HDAC9: variants seen among roughly 807,000 people sequenced by gnomAD.
HDAC9 encodes the protein MEF-2 interacting transcription repressor (MITR) protein.
In HDAC9, 41 loss-of-function variants were observed where a neutral mutation model predicts 139.4. The observed-to-expected ratio is 0.29, with a 90% confidence interval of 0.23 to 0.38. The LOEUF (loss-of-function observed/expected upper bound fraction) is 0.38, where lower values mean the gene tolerates loss of function less well. HDAC9 is among the 10% of genes least tolerant of loss of function. The pLI is 1.00. For synonymous variants in HDAC9, 517 were observed against 476.2 expected (o/e 1.09, Z -1.12); for missense variants, 1,147 against 1,297.0 (o/e 0.88, Z 1.78).
chr7:18,263,792 G>GT (rs1358510993), intron 2 of HDAC9, among the ~76,000 whole-genome samples: 2 of 151,688 alleles, frequency 1.3e-5, no homozygotes, highest in Non-Finnish European at 2.9e-5. Flanking sequence ...TAATTTTTCT[G>GT]TTTTTAAGTA....
At chr7:18,421,695 C>A (rs188170424) in intron 1 of HDAC9, among the ~76,000 whole-genome samples, 1 of 152,254 alleles carries the variant, frequency 6.6e-6, no homozygotes, top group Admixed American at 6.5e-5. Context: ...CTCAGTGTCA[C>A]GGATGAGTGA....
At chr7:18,366,842 G>A (rs189641894) in intron 1 of HDAC9, among the ~76,000 whole-genome samples, 4 of 151,976 alleles carry the variant, frequency 2.6e-5, no homozygotes, top group South Asian at 2.1e-4. Flanking sequence ...AAAGTGATGC[G>A]TTTAGTTAGA....
At chr7:18,343,208 C>T (rs899303384) in intron 1 of HDAC9, among the ~76,000 whole-genome samples, 3 of 151,796 alleles carry the variant, frequency 2.0e-5, no homozygotes, top group Admixed American at 2.0e-4. Flanking sequence ...GTATCTTACT[C>T]ATCAGTTTTT....
At chr7:18,240,275 T>C (rs1227218082) in intron 2 of HDAC9, among the ~76,000 whole-genome samples, 2 of 152,100 alleles carry the variant, frequency 1.3e-5, no homozygotes, top group African/African-American at 4.8e-5. Context: ...CTGTTTAGAA[T>C]TTTGAGTGTA....
At chr7:18,832,163 G>A (rs1240232567) in intron 19 of HDAC9, among the ~76,000 whole-genome samples, 1 of 152,192 alleles carries the variant, frequency 6.6e-6, no homozygotes, top group South Asian at 2.1e-4. Flanking sequence ...GTGTTTAGGG[G>A]ATTAACTTGT....
At chr7:18,864,949 T>C (rs1289806541) in intron 21 of HDAC9, among the ~76,000 whole-genome samples, 1 of 152,218 alleles carries the variant, frequency 6.6e-6, no homozygotes, top group Non-Finnish European at 1.5e-5. Context: ...ATAAAACTTT[T>C]AGTTGTTAAA....
intron 1 of HDAC9, among the ~76,000 whole-genome samples, chr7:18,115,648 G>A (rs141043845): frequency 3.5e-3 from 526 of 152,294 alleles, no homozygotes; most frequent in Non-Finnish European, 5.4e-3. Flanking sequence ...CAGTGTTTCA[G>A]TGCCAGTAAC....
rs998540854 is a variant in HDAC9, at chr7:18,364,517, C to T, written c.-42+74002C>T. Among the ~76,000 whole-genome samples, 4 of 152,132 alleles carry T rather than the reference C, an allele frequency of 2.6e-5. No individual in the cohort carries two copies. In the East Asian group the frequency reaches 7.7e-4, roughly 29 times the overall value. ...TTGAAAGTAAAGAAGAAGAGACAGT[C>T]ATTCGAAAATAGAGAATTTTCTATA... On this transcript the variant is annotated intron_variant, in intron 1 of 3. Coordinates refer to the HDAC9 transcript ENST00000413509.
At chr7:18,651,183 T>G (rs1789140916) in intron 11 of HDAC9, among the ~76,000 whole-genome samples, 1 of 152,168 alleles carries the variant, frequency 6.6e-6, no homozygotes, top group African/African-American at 2.4e-5. Flanking sequence ...AATATATTGC[T>G]GTATACTTGA....
intron 2 of HDAC9, among the ~76,000 whole-genome samples, chr7:18,187,518 C>A (rs953906686): frequency 3.3e-5 from 5 of 152,118 alleles, no homozygotes; most frequent in Non-Finnish European, 7.4e-5. Flanking sequence ...GTGGTTAAAA[C>A]CATGGCACCA....
chr7:18,368,552 T>C (rs1032238373), intron 1 of HDAC9, among the ~76,000 whole-genome samples: 6 of 141,076 alleles, frequency 4.3e-5, no homozygotes, highest in Admixed American at 7.1e-5. Context: ...CGTGCTTTAT[T>C]TTCTGGGAAA....
At chr7:18,515,446 T>G (rs1414534297) in intron 2 of HDAC9, among the ~76,000 whole-genome samples, 1 of 152,196 alleles carries the variant, frequency 6.6e-6, no homozygotes, top group Non-Finnish European at 1.5e-5. Context: ...TCCTACAGCG[T>G]TAGACATATT....
chr7:18,181,650 T>C (rs1486118781), intron 2 of HDAC9, among the ~76,000 whole-genome samples: 1 of 152,190 alleles, frequency 6.6e-6, no homozygotes, highest in East Asian at 1.9e-4. Flanking sequence ...ATACAATTTT[T>C]GTCAACCCTG....
intron 22 of HDAC9, chr7:18,906,830 C>T (rs1488030124): frequency 6.6e-6 from 1 of 152,172 alleles, no homozygotes; most frequent in Non-Finnish European, 1.5e-5. Flanking sequence ...TTTCGAGGAC[C>T]ACTGACAAAA....
At chr7:18,206,033 A>G (rs1223751471) in intron 2 of HDAC9, among the ~76,000 whole-genome samples, 2 of 152,136 alleles carry the variant, frequency 1.3e-5, no homozygotes, top group South Asian at 2.1e-4. Flanking sequence ...AACTTTTAAT[A>G]GTTAAAATTT....
At chr7:18,173,708 A>G (rs1326725477) in intron 2 of HDAC9, among the ~76,000 whole-genome samples, 4 of 152,136 alleles carry the variant, frequency 2.6e-5, no homozygotes, top group Non-Finnish European at 5.9e-5. Context: ...TCCTTCACTT[A>G]GTTTGGCTGG....
At chr7:18,162,389 G>A (rs1259603867) in intron 2 of HDAC9, 4 of 1,505,904 alleles carry the variant, frequency 2.7e-6, no homozygotes, top group African/African-American at 1.4e-5. Flanking sequence ...TAGACTTCAT[G>A]TGAAAGATGT....
intron 1 of HDAC9, among the ~76,000 whole-genome samples, chr7:18,425,613 C>T (rs894635808): frequency 2.0e-5 from 3 of 152,098 alleles, no homozygotes; most frequent in South Asian, 2.1e-4. Context: ...TCTTCCTTCG[C>T]CAGTTAATAC....
intron 15 of HDAC9, among the ~76,000 whole-genome samples, chr7:18,762,669 T>C (rs1420043535): frequency 6.6e-6 from 1 of 152,174 alleles, no homozygotes; most frequent in African/African-American, 2.4e-5. Flanking sequence ...CTTTGTTCTA[T>C]GACCTTAAGA....
Sources: gnomAD v4.1 joint callset for allele counts (sites outside exome capture counted in the v4.1 genomes callset) on GRCh38, gnomAD v4.1.1 for gene constraint, MANE v1.5 for transcripts, NCBI Gene and HGNC (gene_info 2026-07-23, HGNC 2026-07-21) for gene names.